Variants in PACS1 observed in about 807,000 individuals in gnomAD.
PACS1 encodes the protein phosphofurin acidic cluster sorting protein 1, also known as PACS-1.
Under a neutral mutation model 115.0 loss-of-function variants are expected in PACS1, and 24 were observed. That is an observed-to-expected ratio of 0.21 (90% CI 0.15 to 0.29). PACS1 has a LOEUF of 0.29. Among genes scored for constraint, PACS1 ranks in the 10% least tolerant of loss-of-function variants. The pLI is 1.00. For missense variants in PACS1, 838 were observed against 1,251.2 expected (o/e 0.67, Z 4.98); for synonymous variants, 453 against 504.5 (o/e 0.90, Z 1.37).
At chr11:66,162,386 T>C (rs1417995078) in intron 1 of PACS1, among the ~76,000 whole-genome samples, 2 of 152,054 alleles carry the variant, frequency 1.3e-5, no homozygotes, top group Non-Finnish European at 2.9e-5. Context: ...CCTCCCAAAG[T>C]GCTGGGATTA....
chr11:66,153,069 G>A (rs907513529), intron 1 of PACS1, among the ~76,000 whole-genome samples: 2 of 152,110 alleles, frequency 1.3e-5, no homozygotes, highest in African/African-American at 4.8e-5. Context: ...TAAATATGTA[G>A]GTAAATATAA....
intron 2 of PACS1, among the ~76,000 whole-genome samples, chr11:66,201,733 C>T (rs770042536): frequency 1.3e-5 from 2 of 150,738 alleles, no homozygotes; most frequent in Non-Finnish European, 2.9e-5. Context: ...AATCTCAGCT[C>T]ATTGCAACCT....
intron 1 of PACS1, among the ~76,000 whole-genome samples, chr11:66,146,688 T>A (rs1272534308): frequency 6.6e-6 from 1 of 152,066 alleles, no homozygotes; most frequent in Non-Finnish European, 1.5e-5. Flanking sequence ...CTATGAAAAC[T>A]TCAAATCGGA....
intron 1 of PACS1, among the ~76,000 whole-genome samples, chr11:66,149,101 T>C (rs1358602415): frequency 6.7e-6 from 1 of 149,434 alleles, no homozygotes; most frequent in East Asian, 2.0e-4. Flanking sequence ...TTTTTTTTTT[T>C]TTTTTTTTTT....
At chr11:66,117,845 C>CA (rs138720890) in intron 1 of PACS1, among the ~76,000 whole-genome samples, 13 of 144,338 alleles carry the variant, frequency 9.0e-5, no homozygotes, top group African/African-American at 2.3e-4. Context: ...AATGCCATCT[C>CA]AAAAAAAAAG....
intron 1 of PACS1, among the ~76,000 whole-genome samples, chr11:66,158,454 T>C (rs1032326002): frequency 9.2e-5 from 14 of 152,342 alleles, no homozygotes; most frequent in African/African-American, 3.4e-4. Context: ...TTCCAACACT[T>C]TGGGAGGCCA....
chr11:66,139,562 A>G (rs1321147118), intron 1 of PACS1, among the ~76,000 whole-genome samples: 9 of 143,654 alleles, frequency 6.3e-5, no homozygotes, highest in African/African-American at 2.1e-4. Flanking sequence ...GTTTAATTGT[A>G]TTAATTTTTA....
At chr11:66,099,530 T>C (rs1267646793) in intron 1 of PACS1, among the ~76,000 whole-genome samples, 1 of 151,636 alleles carries the variant, frequency 6.6e-6, no homozygotes, top group East Asian at 1.9e-4. Flanking sequence ...AGCCTATCAC[T>C]TTCTATATCA....
intron 1 of PACS1, among the ~76,000 whole-genome samples, chr11:66,166,025 C>G (rs1268539729): frequency 6.6e-6 from 1 of 152,180 alleles, no homozygotes; most frequent in Admixed American, 6.5e-5. Context: ...CGATCTTGCA[C>G]AAATCATTTT....
intron 1 of PACS1, among the ~76,000 whole-genome samples, chr11:66,073,472 G>A (rs991558952): frequency 1.7e-4 from 26 of 152,200 alleles, no homozygotes; most frequent in African/African-American, 6.3e-4. Context: ...TTAGGGCAGA[G>A]AAGAGGGGCT....
chr11:66,236,069 G>C lies in PACS1; in HGVS notation c.2250+129G>C. The C allele has an allele frequency of 1.1e-6, 1 of 873,010 alleles. No homozygotes were observed. Among genetic ancestry groups the C allele is most frequent in the Non-Finnish European group, 2.0e-6 (1 of 510,566 alleles). 54.1% of individuals were successfully genotyped at this position (873,010 alleles called of 1,614,324 possible). A position where few individuals can be genotyped will look rare whatever the true frequency, so the allele number is the denominator to read the frequency against. On this transcript the variant is annotated intron_variant, in intron 19 of 23. Coordinates refer to ENST00000320580, the MANE Select transcript of PACS1 (RefSeq NM_018026.4). This position sits in a 1 kb window ranked among gnomAD's most constrained non-coding sequence, Gnocchi z 4.2. ...AGACACTGGAGATTTTGCCTCCAGG[G>C]ACTACCTGGCAGTGTCTGGAGACGT...
intron 1 of PACS1, among the ~76,000 whole-genome samples, chr11:66,151,233 A>G (rs1205325164): frequency 6.6e-6 from 1 of 151,828 alleles, no homozygotes; most frequent in Non-Finnish European, 1.5e-5. Flanking sequence ...TACCCTTAAA[A>G]GACAGACCTA....
intron 1 of PACS1, among the ~76,000 whole-genome samples, chr11:66,123,795 A>G (rs1410874897): frequency 6.6e-6 from 1 of 151,984 alleles, no homozygotes; most frequent in African/African-American, 2.4e-5. Flanking sequence ...TGCTGGGATT[A>G]CAGGCGTGAG....
intron 4 of PACS1, among the ~76,000 whole-genome samples, chr11:66,213,135 A>G (rs1158180053): frequency 1.3e-5 from 2 of 152,218 alleles, no homozygotes; most frequent in African/African-American, 4.8e-5. Flanking sequence ...TACAGGCGTG[A>G]GCCACTGCTC....
chr11:66,166,068 C>T (rs1397385956), intron 1 of PACS1, among the ~76,000 whole-genome samples: 1 of 152,140 alleles, frequency 6.6e-6, no homozygotes, highest in African/African-American at 2.4e-5. Context: ...TCTTCAGTGG[C>T]TTTCCATCAT....
At chr11:66,096,283 C>T (rs181159925) in intron 1 of PACS1, among the ~76,000 whole-genome samples, 1 of 145,396 alleles carries the variant, frequency 6.9e-6, no homozygotes, top group Admixed American at 7.1e-5. Flanking sequence ...AGTGATGGCT[C>T]ACTGCAGCCT....
intron 1 of PACS1, among the ~76,000 whole-genome samples, chr11:66,136,323 T>TCACACACACACACACACACA (rs61577143): frequency 8.9e-4 from 130 of 145,902 alleles, no homozygotes; most frequent in Non-Finnish European, 1.3e-3. Context: ...AATCCCACTG[T>TCACACACACACACACACACA]CACACACACA....
Position 66,243,500 on chromosome 11 carries a change from T to G in PACS1, c.*220T>G. The G allele has an allele frequency of 1.9e-6, 1 of 531,226 alleles. No homozygotes were observed. Among genetic ancestry groups the G allele is most frequent in the Non-Finnish European group, 3.3e-6 (1 of 303,678 alleles). The allele number at this position is 531,226 out of a possible 1,614,324, so 32.9% of individuals were successfully genotyped here. On this transcript the variant is annotated 3_prime_UTR_variant, in exon 24 of 24. Coordinates refer to ENST00000320580, the MANE Select transcript of PACS1 (RefSeq NM_018026.4). ...CCCCTCCTCCTTCCCGCTTTTCCCC[T>G]TCTCCCTCCTGCTCCAGGCCCAAGG... is the stretch of plus-strand genomic sequence containing the variant.
chr11:66,086,240 G>A (rs1276643699), intron 1 of PACS1, among the ~76,000 whole-genome samples: 4 of 149,234 alleles, frequency 2.7e-5, no homozygotes, highest in Admixed American at 6.8e-5. Flanking sequence ...CGGGGTTCAC[G>A]CCATTCTCCT....
Sources: gnomAD v4.1 joint callset for allele counts (sites outside exome capture counted in the v4.1 genomes callset) on GRCh38, gnomAD v4.1.1 for gene constraint, Gnocchi (gnomAD v3.1) non-coding constraint, MANE v1.5 for transcripts, NCBI Gene and HGNC (gene_info 2026-07-23, HGNC 2026-07-21) for gene names.